Variants in NRTN observed in about 807,000 individuals in gnomAD.
The protein encoded by NRTN is neurturin.
A neutral mutation model predicts 7.5 loss-of-function variants in NRTN; 3 were observed. The ratio of observed to expected loss-of-function variants is 0.40; its 90% CI spans 0.18 to 1.03. NRTN has a LOEUF of 1.03. NRTN is among the 50% of genes least tolerant of loss of function. The pLI is 0.34. For synonymous variants in NRTN, 157 were observed against 146.6 expected (o/e 1.07, Z -0.51); for missense variants, 310 against 307.0 (o/e 1.01, Z -0.07).
chr19:5,814,599 A>G (rs1304062596), intron 1 of NRTN, among the ~76,000 whole-genome samples: 1 of 152,140 alleles, frequency 6.6e-6, no homozygotes, highest in African/African-American at 2.4e-5. Flanking sequence ...TTGCCTGTGC[A>G]TAAAGATAAT....
At chr19:5,822,130 G>C (rs1356049879) in intron 1 of NRTN, among the ~76,000 whole-genome samples, 1 of 151,420 alleles carries the variant, frequency 6.6e-6, no homozygotes, top group Non-Finnish European at 1.5e-5. Flanking sequence ...CCGTCCATGG[G>C]GGTGAGTGGG....
chr19:5,813,195 C>G (rs560862239), intron 1 of NRTN, among the ~76,000 whole-genome samples: 1 of 149,740 alleles, frequency 6.7e-6, no homozygotes, highest in African/African-American at 2.5e-5. Flanking sequence ...GGTAACATGG[C>G]GAGACTTTGT....
Position 5,828,245 on chromosome 19 carries a change from G to T in NRTN, c.*72G>T. 6.7e-7 allele frequency: 1 copy of T among 1,482,724 alleles called. No homozygotes were observed. Among genetic ancestry groups the T allele is most frequent in the African/African-American group, 1.4e-5 (1 of 70,914 alleles). 91.8% of individuals were successfully genotyped at this position (1,482,724 alleles called of 1,614,324 possible). A position where few individuals can be genotyped will look rare whatever the true frequency, so the allele number is the denominator to read the frequency against. On this transcript the variant is annotated 3_prime_UTR_variant, in exon 3 of 3. Transcript: ENST00000303212. ...GGCACCACTGGCCGGCCCCGCGAAAGACTGCGCGTGCGTAGAGCACGCCGG... is the reference window on the plus strand; with the variant it reads ...GGCACCACTGGCCGGCCCCGCGAAATACTGCGCGTGCGTAGAGCACGCCGG...
chr19:5,824,484 A>G (rs1296971542), intron 2 of NRTN, 150 bp downstream of exon 2: 5 of 1,039,464 alleles, frequency 4.8e-6, no homozygotes, highest in Non-Finnish European at 7.1e-6. Context: ...CAGACATCCT[A>G]AAAGATTATT....
intron 1 of NRTN, among the ~76,000 whole-genome samples, chr19:5,817,285 C>CA (rs2057007871): frequency 6.6e-6 from 1 of 151,752 alleles, no homozygotes; most frequent in Non-Finnish European, 1.5e-5. Context: ...GCCCAGGACT[C>CA]AGAGGTTGCA....
chr19:5,806,327 G>A lies in NRTN; in HGVS notation c.-399+876G>A, dbSNP rs979808887. ...CCTGCCCACAGGCCTGTGATTACCT[G>A]CAGGGCTCGTCATTGGTCCAGATTT... On this transcript the variant is annotated intron_variant, in intron 1 of 2. Transcript: ENST00000303212. This position sits in a 1 kb window ranked among gnomAD's most constrained non-coding sequence, Gnocchi z 5.4. Among the ~76,000 whole-genome samples, 1 of 152,144 alleles carries A rather than the reference G, an allele frequency of 6.6e-6. No individual in the cohort carries two copies. Among genetic ancestry groups the A allele is most frequent in the African/African-American group, 2.4e-5 (1 of 41,430 alleles).
chr19:5,815,243 C>T (rs28542390), intron 1 of NRTN, among the ~76,000 whole-genome samples: 25,073 of 152,066 alleles, frequency 0.16, 2,372 homozygotes, highest in Middle Eastern at 0.3. Flanking sequence ...TCTGTGAGAC[C>T]GGATTACCAC....
Position 5,827,861 on chromosome 19 carries a change from G to T in NRTN, c.282G>T (p.Ala94=). The T allele has an allele frequency of 1.7e-6, 2 of 1,208,828 alleles. No individual in the cohort carries two copies. Among genetic ancestry groups the T allele is most frequent in the South Asian group, 3.5e-5 (1 of 28,326 alleles). 74.9% of individuals were successfully genotyped at this position (1,208,828 alleles called of 1,614,324 possible). The change falls in exon 3 of 3, where the codon GCG becomes GCT. Residue 94 remains alanine, a synonymous_variant. Coordinates refer to ENST00000303212, the MANE Select transcript of NRTN (RefSeq NM_004558.5). Reference sequence around the variant, plus strand: ...GGGCGGGGCCCCGGCGGCGGCGCGCGCGTGCGCGGTTGGGGGCGCGGCCTT... The same window carrying T: ...GGGCGGGGCCCCGGCGGCGGCGCGCTCGTGCGCGGTTGGGGGCGCGGCCTT... The part of the protein sequence containing the change: ...RRRAGPRRRR[A]RARLGARPCG...
At chr19:5,815,721 C>T (rs531988073) in intron 1 of NRTN, among the ~76,000 whole-genome samples, 85 of 150,588 alleles carry the variant, frequency 5.6e-4, no homozygotes, top group African/African-American at 1.9e-3. Flanking sequence ...CAGACGTGAG[C>T]CACCGCGCCC....
chr19:5,807,020 G>A (rs1355288214), intron 1 of NRTN, among the ~76,000 whole-genome samples: 1 of 152,224 alleles, frequency 6.6e-6, no homozygotes, highest in Admixed American at 6.5e-5. Flanking sequence ...GAAGCTCAGA[G>A]TGGGGATGGA....
rs576957425 is a variant in NRTN at position 5,817,018 on chromosome 19, G to A, written c.-398-6750G>A. On this transcript the variant is annotated intron_variant, in intron 1 of 2. Transcript: ENST00000303212. ...TGTGAGCCTGGAAACATCTGAGTAT[G>A]CATGGGATCATGTTTGGGTGTAAGT... Among the ~76,000 whole-genome samples the A allele has an allele frequency of 2.6e-5, 4 of 152,268 alleles. No homozygotes were observed. In the South Asian group the frequency reaches 8.3e-4, roughly 32 times the overall value.
At chr19:5,826,304 T>C (rs2057046194) in intron 2 of NRTN, among the ~76,000 whole-genome samples, 1 of 152,178 alleles carries the variant, frequency 6.6e-6, no homozygotes, top group East Asian at 1.9e-4. Context: ...GCTCCGGGGC[T>C]TAAAGAACAC....
At chr19:5,825,680 G>C (rs571975569) in intron 2 of NRTN, among the ~76,000 whole-genome samples, 1 of 152,224 alleles carries the variant, frequency 6.6e-6, no homozygotes, top group Non-Finnish European at 1.5e-5. Context: ...GCCCATGGGC[G>C]GGTGCCTGTC....
chr19:5,816,065 T>A (rs1251440044), intron 1 of NRTN, among the ~76,000 whole-genome samples: 1 of 149,878 alleles, frequency 6.7e-6, no homozygotes, highest in Non-Finnish European at 1.5e-5. Flanking sequence ...TTTAAAAATT[T>A]ATTATTTTCT....
chr19:5,824,771 G>A (rs941332214), intron 2 of NRTN, among the ~76,000 whole-genome samples: 9 of 152,198 alleles, frequency 5.9e-5, no homozygotes, highest in East Asian at 3.9e-4. Context: ...AACAGAGCAA[G>A]ATTCTGTCTC....
At position 5,828,255 on chromosome 19, in the gene NRTN, G is replaced by T. The variant is rs2057057221; in HGVS notation, c.*82G>T. On this transcript the variant is annotated 3_prime_UTR_variant, in exon 3 of 3. Coordinates refer to ENST00000303212, the MANE Select transcript of NRTN (RefSeq NM_004558.5). ...GCCGGCCCCGCGAAAGACTGCGCGT[G>T]CGTAGAGCACGCCGGCGCGGCCCCG... 2 of 1,443,014 alleles carry T rather than the reference G, an allele frequency of 1.4e-6. No homozygotes were observed. Among genetic ancestry groups the T allele is most frequent in the East Asian group, 2.5e-5 (1 of 39,310 alleles). The allele number at this position is 1,443,014 out of a possible 1,614,324, so 89.4% of individuals were successfully genotyped here.
In NRTN at chr19:5,828,302, T is replaced by C; in HGVS notation, c.*129T>C. The C allele has an allele frequency of 9.7e-7, 1 of 1,026,412 alleles. No individual in the cohort carries two copies. Among genetic ancestry groups the C allele is most frequent in the Non-Finnish European group, 1.3e-6 (1 of 743,962 alleles). 63.6% of individuals were successfully genotyped at this position (1,026,412 alleles called of 1,614,324 possible). ...CCCGGGACTCTCGCGATAACTGTAC[T>C]GAGATAAAGTGTGGCAACTCGAGCT... On this transcript the variant is annotated 3_prime_UTR_variant, in exon 3 of 3. Transcript: ENST00000303212.
At chr19:5,818,356 AGT>A (rs1470223466) in intron 1 of NRTN, among the ~76,000 whole-genome samples, 1 of 149,848 alleles carries the variant, frequency 6.7e-6, no homozygotes, top group South Asian at 2.1e-4. Context: ...TGAGTGTGTG[AGT>A]GTGTGTATAC....
intron 1 of NRTN, among the ~76,000 whole-genome samples, chr19:5,823,440 A>C (rs1350018413): frequency 6.6e-6 from 1 of 152,044 alleles, no homozygotes; most frequent in African/African-American, 2.4e-5. Flanking sequence ...AGAAAAAGAG[A>C]AAGAAAGGGG....
Sources: gnomAD v4.1 joint callset for allele counts (sites outside exome capture counted in the v4.1 genomes callset) on GRCh38, gnomAD v4.1.1 for gene constraint, Gnocchi (gnomAD v3.1) non-coding constraint, MANE v1.5 for transcripts, NCBI Gene and HGNC (gene_info 2026-07-23, HGNC 2026-07-21) for gene names.